The following HGS variants were observed in gnomAD, a reference collection of about 807,000 sequenced individuals.
The protein encoded by HGS is human growth factor-regulated tyrosine kinase substrate.
Under a neutral mutation model 109.7 loss-of-function variants are expected in HGS, and 63 were observed. The observed-to-expected ratio is 0.57, with a 90% CI of 0.47 to 0.71. The LOEUF (loss-of-function observed/expected upper bound fraction) is 0.71, where lower values mean the gene tolerates loss of function less well. Among genes scored for constraint, HGS ranks in the 30% least tolerant of loss-of-function variants. The pLI is 0.00. For synonymous variants in HGS, 546 were observed against 437.3 expected, an observed-to-expected ratio of 1.25 and a Z score of -3.10; for missense variants, 995 against 1,068.3, an observed-to-expected ratio of 0.93 and a Z score of 0.96.
intron 15 of HGS, 135 bp from the exon 16 acceptor site, chr17:81,696,222 C>T: frequency 8.2e-7 from 1 of 1,225,252 alleles, no homozygotes; most frequent in East Asian, 2.6e-5. Flanking sequence ...CTGCCTGCCT[C>T]CCCCAGAGCC....
chr17:81,696,550 C>T (rs750056042), intron 16 of HGS, 21 bp downstream of exon 16: 39 of 1,537,816 alleles, frequency 2.5e-5, no homozygotes, highest in Admixed American at 2.2e-4. Context: ...TGCCCAGCCA[C>T]AGGCCGGGGC....
chr17:81,701,318 C>T (rs758294367), intron 21 of HGS, 187 bp downstream of exon 21: 30 of 808,728 alleles, frequency 3.7e-5, no homozygotes, highest in East Asian at 8.1e-5. Context: ...TACGCGCATC[C>T]GCAAGTGTAG....
At chr17:81,699,504 CATTCTCCGCCTCCCAGGTTCAAGCA>C (rs2037201473) in intron 18 of HGS, among the ~76,000 whole-genome samples, 1 of 152,250 alleles carries the variant, frequency 6.6e-6, no homozygotes, top group African/African-American at 2.4e-5. Context: ...CAGCTCACGG[CATTCTCCGCCTCCCAGGTTCAAGCA>C]ATTCTCCTGC....
At chr17:81,686,443 C>T (rs369973486) in intron 3 of HGS, 56 bp downstream of exon 3, 19 of 1,269,454 alleles carry the variant, frequency 1.5e-5, no homozygotes, top group African/African-American at 5.9e-5. Context: ...CTACTAGTCA[C>T]GACAGCATGA....
rs565628842 is a variant in HGS at position 81,691,991 on chromosome 17, C to T, written c.662+420C>T. On this transcript the variant is annotated intron_variant, in intron 8 of 21. Transcript: ENST00000329138. The surrounding 1 kb of genome is among the most constrained non-coding windows in gnomAD (Gnocchi z 5.3). ...TCGGTGTTTTGTCGCAGAGTTTACT[C>T]TGCCTCCCCTCTCCTGCGCGTGCGT... 1.0e-5 allele frequency: 2 copies of T among 194,242 alleles called. No homozygotes were observed. The highest frequency in any genetic ancestry group is 1.0e-4 in the South Asian group (1 of 9,868). The allele number at this position is 194,242 out of a possible 1,614,324, so 12.0% of individuals were successfully genotyped here.
intron 3 of HGS, 111 bp from the exon 4 acceptor site, chr17:81,686,892 A>T: frequency 1.2e-6 from 1 of 823,444 alleles, no homozygotes; most frequent in South Asian, 1.6e-5. Flanking sequence ...CCGGCCACTG[A>T]CGGGCCTGTC....
At chr17:81,697,657 A>C (rs2037175902) in intron 18 of HGS, 1 of 151,438 alleles carries the variant, frequency 6.6e-6, no homozygotes, top group South Asian at 2.1e-4. Context: ...ATACCCTGGG[A>C]CTCCTCAAGG....
At chr17:81,687,402 T>A (rs1471820263) in intron 4 of HGS, among the ~76,000 whole-genome samples, 3 of 151,862 alleles carry the variant, frequency 2.0e-5, no homozygotes, top group Admixed American at 6.6e-5. Context: ...CCTGCTGTCT[T>A]AGGGAAGGTG....
Position 81,690,226 on chromosome 17 carries a change from G to T in HGS, c.460G>T (p.Ala154Ser). Residue 154 changes from alanine (A) to serine (S), a missense_variant, in exon 6 of 22, where the codon GCC becomes TCC. By Grantham distance (99) the Ala-to-Ser change is moderately conservative. Coordinates refer to ENST00000329138, the MANE Select transcript of HGS (RefSeq NM_004712.5). ...EFKESDAMFA[A>S]ERAPDWVDAE... ...CAAAGAGAGCGATGCCATGTTTGCT[G>T]CCGAGAGAGTGAGTGTGGGCGGCCG... 6.2e-7 allele frequency: 1 copy of T among 1,613,946 alleles called. No individual in the cohort carries two copies. Among genetic ancestry groups the T allele is most frequent in the Non-Finnish European group, 8.5e-7 (1 of 1,179,874 alleles).
rs1164138396 is a variant in HGS at position 81,686,325 on chromosome 17, G to A, written c.136G>A (p.Val46Met). Residue 46 changes from valine to methionine, a missense_variant, in exon 3 of 22, where the codon GTG becomes ATG. Coordinates refer to ENST00000329138, the MANE Select transcript of HGS (RefSeq NM_004712.5). ...TTTCCTTTTCAGAGCAAAATATGCT[G>A]TGAATTCCATCAAGAAGAAAGTCAA... is the stretch of plus-strand genomic sequence containing the variant. ...RQGDTQAKYA[V>M]NSIKKKVNDK... 2 of 1,613,414 alleles carry A rather than the reference G, an allele frequency of 1.2e-6. No homozygotes were observed. The highest frequency in any genetic ancestry group is 8.5e-7 in the Non-Finnish European group (1 of 1,179,742).
At chr17:81,700,852 G>A in intron 20 of HGS, 38 bp downstream of exon 20, 1 of 1,593,936 alleles carries the variant, frequency 6.3e-7, no homozygotes, top group Non-Finnish European at 8.6e-7. Flanking sequence ...GGCCAGGGTG[G>A]GGGAGCAGTT....
intron 4 of HGS, among the ~76,000 whole-genome samples, chr17:81,687,753 A>G (rs34276461): frequency 0.08 from 12,132 of 152,122 alleles, 561 homozygotes; most frequent in East Asian, 0.22. Context: ...TGTCCCATGT[A>G]GTCAGGCTGC....
rs987383854 is a variant in HGS, at chr17:81,684,072, G to T, written c.6G>T (p.Gly2=). 1.6e-5 allele frequency: 26 copies of T among 1,594,534 alleles called. 1 individual carries two copies. The highest frequency in any genetic ancestry group is 2.0e-5 in the Non-Finnish European group (23 of 1,172,872). The change falls in exon 1 of 22, where the codon GGG becomes GGT. Residue 2 remains glycine, a synonymous_variant. Coordinates refer to ENST00000329138, the MANE Select transcript of HGS (RefSeq NM_004712.5). M[G]RGSGTFERLL... Reference sequence around the variant, plus strand: ...GGTTTGGGCTGGAGGTCGCCATGGGGCGAGGCAGCGGCACCTTCGAGCGTC... The same window carrying T: ...GGTTTGGGCTGGAGGTCGCCATGGGTCGAGGCAGCGGCACCTTCGAGCGTC...
intron 5 of HGS, 145 bp from the exon 6 acceptor site, chr17:81,690,037 C>T: frequency 1.3e-6 from 1 of 750,506 alleles, no homozygotes; most frequent in Non-Finnish European, 2.1e-6. Context: ...ATCTTGGGGG[C>T]AGGAGGCTGT....
intron 8 of HGS, chr17:81,693,137 C>T (rs1568215479): frequency 4.0e-6 from 1 of 247,776 alleles, no homozygotes; most frequent in Non-Finnish European, 7.7e-6. Context: ...CTGGGCATGA[C>T]AGTCACTGAC....
chr17:81,698,769 G>T (rs762352909), intron 18 of HGS, among the ~76,000 whole-genome samples: 3 of 152,166 alleles, frequency 2.0e-5, no homozygotes, highest in Non-Finnish European at 2.9e-5. Flanking sequence ...CTTTGTATAT[G>T]ATAAAAACCG....
chr17:81,701,531 C>A lies in HGS; in HGVS notation c.2247C>A (p.Pro749=). The change falls in exon 22 of 22, where the codon CCC becomes CCA. Residue 749 remains proline (P), a synonymous_variant. Coordinates refer to ENST00000329138, the MANE Select transcript of HGS (RefSeq NM_004712.5). ...AGATGGCACCCTCTGGCGGTCCCCC[C>A]CAGCAGCAGCCCCCCGTGGCCCAGC... is the stretch of plus-strand genomic sequence containing the variant. ...YQQMAPSGGP[P]QQQPPVAQQP... 1 of 1,562,810 alleles carries A rather than the reference C, an allele frequency of 6.4e-7. No individual in the cohort carries two copies. The highest frequency in any genetic ancestry group is 2.4e-5 in the East Asian group (1 of 42,340).
Position 81,695,868 on chromosome 17 carries a change from AC to A in HGS, c.1264del (p.Arg422AlafsTer2). On this transcript the variant is annotated frameshift_variant, in exon 15 of 22. Transcript: ENST00000329138. LOFTEE classifies it high-confidence loss of function. ...ALQNAVTTFV[N>X]RMKSNHMRGR... ...CAGAACGCCGTCACCACCTTCGTGA[AC>A]CGCATGAAGAGTAACCACATGCGGG... The A allele has an allele frequency of 6.2e-7, 1 of 1,613,484 alleles. No individual in the cohort carries two copies. The highest frequency in any genetic ancestry group is 8.5e-7 in the Non-Finnish European group (1 of 1,179,948).
At chr17:81,687,357 C>T (rs938629499) in intron 4 of HGS, among the ~76,000 whole-genome samples, 1 of 152,148 alleles carries the variant, frequency 6.6e-6, no homozygotes, top group Non-Finnish European at 1.5e-5. Context: ...GACCCTGGGG[C>T]CTGGGGGAAG....
Sources: gnomAD v4.1 joint callset for allele counts (sites outside exome capture counted in the v4.1 genomes callset) on GRCh38, gnomAD v4.1.1 for gene constraint, Gnocchi (gnomAD v3.1) non-coding constraint, MANE v1.5 for transcripts, NCBI Gene and HGNC (gene_info 2026-07-23, HGNC 2026-07-21) for gene names.